The following ADAM10 variants were observed in gnomAD, a reference collection of about 807,000 sequenced individuals.
ADAM10 encodes the protein disintegrin and metalloproteinase domain-containing protein 10.
ADAM10 carries 17 observed loss-of-function variants against 90.1 expected under a neutral mutation model. That is an observed-to-expected ratio of 0.19 (90% CI 0.13 to 0.28). The LOEUF is 0.28. Among genes scored for constraint, ADAM10 ranks in the 10% least tolerant of loss-of-function variants. The pLI is 1.00. For synonymous variants in ADAM10, 310 were observed against 298.6 expected (o/e 1.04, Z -0.40); for missense variants, 610 against 914.3 (o/e 0.67, Z 4.29).
intron 4 of ADAM10, among the ~76,000 whole-genome samples, chr15:58,675,097 C>A (rs1029534481): frequency 2.0e-5 from 3 of 152,192 alleles, no homozygotes; most frequent in African/African-American, 4.8e-5. Context: ...TCACAGGAGG[C>A]TGAGGCAGGA....
At chr15:58,610,174 T>C (rs1458811977) in intron 14 of ADAM10, 123 bp downstream of exon 14, 6 of 801,396 alleles carry the variant, frequency 7.5e-6, no homozygotes, top group Non-Finnish European at 1.2e-5. Context: ...TTAAAAATCT[T>C]CATATAAAGT....
chr15:58,597,438 A>C lies in ADAM10; in HGVS notation c.*109T>G, dbSNP rs1387595663. ...TATGATCTCTTGCCATTTTTTCTTC[A>C]ACTGTTACTTGTGAGGGTTTAGTTT... On this transcript the variant is annotated 3_prime_UTR_variant, in exon 16 of 16. Transcript: ENST00000260408. 1 of 1,580,202 alleles carries C rather than the reference A, an allele frequency of 6.3e-7. No homozygotes were observed. The highest frequency in any genetic ancestry group is 8.6e-7 in the Non-Finnish European group (1 of 1,161,642).
intron 2 of ADAM10, among the ~76,000 whole-genome samples, chr15:58,715,246 A>AC (rs1165140816): frequency 6.6e-6 from 1 of 151,888 alleles, no homozygotes; most frequent in East Asian, 1.9e-4. Flanking sequence ...ACATGGTGAA[A>AC]CCCCGTCTCT....
chr15:58,646,852 A>T (rs1482273255), intron 5 of ADAM10, among the ~76,000 whole-genome samples: 6 of 152,152 alleles, frequency 3.9e-5, no homozygotes, highest in Non-Finnish European at 8.8e-5. Flanking sequence ...AGCTTTTCTC[A>T]TTCCACATTA....
At chr15:58,641,040 G>A (rs1016176463) in intron 7 of ADAM10, 80 bp from the exon 8 acceptor site, 25 of 1,315,314 alleles carry the variant, frequency 1.9e-5, no homozygotes, top group South Asian at 1.2e-4. Flanking sequence ...CTTCTTCTGC[G>A]TACACCTGGA....
At chr15:58,713,815 C>CTT (rs1248840588) in intron 2 of ADAM10, among the ~76,000 whole-genome samples, 26 of 142,178 alleles carry the variant, frequency 1.8e-4, no homozygotes, top group Admixed American at 5.7e-4. Context: ...GAATTCTTTT[C>CTT]TTTTTTTTTT....
intron 4 of ADAM10, among the ~76,000 whole-genome samples, chr15:58,677,876 T>C (rs1217981918): frequency 2.0e-5 from 3 of 152,268 alleles, no homozygotes; most frequent in African/African-American, 7.2e-5. Context: ...AAACTATACC[T>C]GAAGAACTTA....
Position 58,597,354 on chromosome 15 carries a change from C to CACCCCCAAA in ADAM10, c.*184_*192dup. The stretch of plus-strand genomic sequence containing the variant: ...AAAATTGGGTTCCTTTTCCACCTCC[C>CACCCCCAAA]ACCCCCAAATTGGAATTTTCAGGCT... On this transcript the variant is annotated 3_prime_UTR_variant, in exon 16 of 16. Coordinates refer to ENST00000260408, the MANE Select transcript of ADAM10 (RefSeq NM_001110.4). The CACCCCCAAA allele has an allele frequency of 1.3e-6, 2 of 1,538,528 alleles. No individual in the cohort carries two copies. Among genetic ancestry groups the CACCCCCAAA allele is most frequent in the Non-Finnish European group, 1.8e-6 (2 of 1,141,734 alleles).
At chr15:58,622,021 C>T (rs924328495) in intron 10 of ADAM10, among the ~76,000 whole-genome samples, 2 of 151,856 alleles carry the variant, frequency 1.3e-5, no homozygotes, top group African/African-American at 4.8e-5. Context: ...TTCAAACACA[C>T]CTAAAAGTAA....
At chr15:58,712,646 C>A (rs1452999226) in intron 2 of ADAM10, among the ~76,000 whole-genome samples, 1 of 149,786 alleles carries the variant, frequency 6.7e-6, no homozygotes, top group African/African-American at 2.5e-5. Context: ...GGTGAAGCCC[C>A]GTCTCTACTA....
rs74570325 is a variant in ADAM10, at chr15:58,637,899, T to C, written c.1012+2878A>G. ...ATAATACCTACACCTCATAAGGGTA[T>C]TGAAATAATCAAGAATAAATATATA... On this transcript the variant is annotated intron_variant, in intron 8 of 15. Coordinates refer to ENST00000260408, the MANE Select transcript of ADAM10 (RefSeq NM_001110.4). 1.9e-3 allele frequency among the ~76,000 whole-genome samples: 289 copies of C among 152,164 alleles called. 1 individual carries two copies. The highest frequency in any genetic ancestry group is 2.3e-3 in the Non-Finnish European group (155 of 68,004).
At chr15:58,630,704 C>G (rs1477892488) in intron 9 of ADAM10, among the ~76,000 whole-genome samples, 1 of 152,044 alleles carries the variant, frequency 6.6e-6, no homozygotes, top group Non-Finnish European at 1.5e-5. Flanking sequence ...GTGAACCACT[C>G]AGAAAAAGTA....
At position 58,645,240 on chromosome 15, in the gene ADAM10, C is replaced by T. The variant is rs1294327444; in HGVS notation, c.735+815G>A. ...CTCATAGGGCTCATTATAAAATTCA[C>T]GCTATTTTGTCTTGAAATTTATTTG... is the stretch of plus-strand genomic sequence containing the variant. On this transcript the variant is annotated intron_variant, in intron 6 of 15. Transcript: ENST00000260408. Among the ~76,000 whole-genome samples the T allele has an allele frequency of 5.3e-5, 8 of 152,304 alleles. No homozygotes were observed. In the South Asian group the frequency reaches 6.2e-4, roughly 12 times the overall value.
At position 58,642,965 on chromosome 15, in the gene ADAM10, A is replaced by G. The variant is rs1392703483; in HGVS notation, c.828+921T>C. Among the ~76,000 whole-genome samples, 15 of 152,310 alleles carry G rather than the reference A, an allele frequency of 9.8e-5. No homozygotes were observed. The East Asian group carries it at 2.9e-3, about 29-fold the overall frequency. Reference sequence around the variant, plus strand: ...AGCTATGTGGCTGAATGTATATACTAAACTTCTCTAGTATAGACATTTTAT... The same window carrying G: ...AGCTATGTGGCTGAATGTATATACTGAACTTCTCTAGTATAGACATTTTAT... On this transcript the variant is annotated intron_variant, in intron 7 of 15. Coordinates refer to ENST00000260408, the MANE Select transcript of ADAM10 (RefSeq NM_001110.4).
rs1405873101 is a variant in ADAM10 at position 58,646,130 on chromosome 15, A to T, written c.660T>A (p.Asn220Lys). ...CAGTCTGAATATAAAGCTGACAAGT[A>T]TTTTTTTCAGCTGAAGTTGTACGTT... ...RKKRTTSAEK[N>K]TCQLYIQTDH... is the part of the protein sequence containing the mutation. Residue 220 changes from asparagine to lysine, a missense_variant, in exon 6 of 16, where the codon AAT becomes AAA. Coordinates refer to ENST00000260408, the MANE Select transcript of ADAM10 (RefSeq NM_001110.4). The T allele has an allele frequency of 6.2e-7, 1 of 1,613,678 alleles. No homozygotes were observed. Among genetic ancestry groups the T allele is most frequent in the Non-Finnish European group, 8.5e-7 (1 of 1,179,808 alleles).
intron 2 of ADAM10, among the ~76,000 whole-genome samples, chr15:58,697,805 AAGGCCCAAGGAC>A (rs1898019944): frequency 1.3e-5 from 2 of 152,126 alleles, no homozygotes; most frequent in African/African-American, 4.8e-5. Context: ...ATGTTGCCCT[AAGGCCCAAGGAC>A]AGGCCCACTT....
intron 5 of ADAM10, among the ~76,000 whole-genome samples, chr15:58,652,667 T>C (rs569621116): frequency 2.0e-5 from 3 of 152,302 alleles, no homozygotes; most frequent in African/African-American, 7.2e-5. Context: ...AGTCAGGTAA[T>C]ATGATTCCTC....
intron 14 of ADAM10, among the ~76,000 whole-genome samples, chr15:58,608,549 C>T (rs763040660): frequency 2.8e-4 from 43 of 152,158 alleles, no homozygotes; most frequent in Non-Finnish European, 4.3e-4. Flanking sequence ...TGGCATATGC[C>T]TGTCAACAAT....
intron 2 of ADAM10, among the ~76,000 whole-genome samples, chr15:58,706,951 G>C (rs1288314262): frequency 6.7e-6 from 1 of 149,300 alleles, no homozygotes; most frequent in Non-Finnish European, 1.5e-5. Context: ...AGAGGTTGCA[G>C]TGAGCTGAGA....
Sources: allele counts gnomAD v4.1 joint callset (sites outside exome capture counted in the v4.1 genomes callset), GRCh38; gene constraint gnomAD v4.1.1; transcripts MANE v1.5; gene names NCBI Gene and HGNC (gene_info 2026-07-23, HGNC 2026-07-21).